NECAB1: variants seen among roughly 807,000 people sequenced by gnomAD.
The protein encoded by NECAB1 is N-terminal EF-hand calcium-binding protein 1.
NECAB1 carries 29 observed loss-of-function variants against 57.5 expected under a neutral mutation model. The ratio of observed to expected loss-of-function variants is 0.50; its 90% CI spans 0.38 to 0.69. The LOEUF (loss-of-function observed/expected upper bound fraction) is 0.69, where lower values mean the gene tolerates loss of function less well. Among genes scored for constraint, NECAB1 ranks in the 30% least tolerant of loss-of-function variants. NECAB1 has a pLI of 0.00. For synonymous variants in NECAB1, 142 were observed against 147.7 expected, an observed-to-expected ratio of 0.96 and a Z score of 0.28; for missense variants, 372 against 413.8, an observed-to-expected ratio of 0.90 and a Z score of 0.88.
rs564416885 is a variant in NECAB1, at chr8:90,958,453, T to C, written c.*2941T>C. ...CAAAAACCTAGAGACCAATCATATA[T>C]CTGAAAAGAAATACCCATTAAAAAT... On this transcript the variant is annotated 3_prime_UTR_variant, in exon 13 of 13. Coordinates refer to ENST00000417640, the MANE Select transcript of NECAB1 (RefSeq NM_022351.5). The C allele has an allele frequency of 5.3e-5, 8 of 151,700 alleles. No homozygotes were observed. Among genetic ancestry groups the C allele is most frequent in the African/African-American group, 1.7e-4 (7 of 41,502 alleles). 9.4% of individuals were successfully genotyped at this position (151,700 alleles called of 1,614,324 possible).
intron 4 of NECAB1, among the ~76,000 whole-genome samples, chr8:90,878,655 CT>C (rs1000425313): frequency 6.6e-6 from 1 of 151,862 alleles, no homozygotes; most frequent in African/African-American, 2.4e-5. Context: ...AGTGATTGTT[CT>C]TTTTTTCTAA....
chr8:90,840,390 A>T (rs1381668261), intron 3 of NECAB1, among the ~76,000 whole-genome samples: 2 of 152,206 alleles, frequency 1.3e-5, no homozygotes, highest in Non-Finnish European at 2.9e-5. Flanking sequence ...CCACAGTGAG[A>T]TTGGGTCACT....
In NECAB1 at chr8:90,917,870, A is replaced by ATGTG. The variant is rs1554575442; in HGVS notation, c.494+251_494+254dup. Among the ~76,000 whole-genome samples, 297 of 64,230 alleles carry ATGTG rather than the reference A, an allele frequency of 4.6e-3. 5 individuals carry two copies. Among genetic ancestry groups the ATGTG allele is most frequent in the African/African-American group, 6.4e-3 (61 of 9,576 alleles). The allele number at this position is 64,230 out of a possible 152,430, so 42.1% of individuals were successfully genotyped here. On this transcript the variant is annotated intron_variant, in intron 6 of 12. Coordinates refer to ENST00000417640, the MANE Select transcript of NECAB1 (RefSeq NM_022351.5). ...TATATATATATATATATATATATAT[A>ATGTG]TGTGTGTGTGTGCGTGTATATATAT...
chr8:90,816,071 T>G (rs1812056837), intron 2 of NECAB1, among the ~76,000 whole-genome samples: 1 of 151,940 alleles, frequency 6.6e-6, no homozygotes, highest in South Asian at 2.1e-4. Context: ...TTTTCAGGTT[T>G]TGTATCTCAT....
intron 4 of NECAB1, among the ~76,000 whole-genome samples, chr8:90,876,561 C>T (rs1375802659): frequency 1.3e-5 from 2 of 151,980 alleles, no homozygotes; most frequent in Non-Finnish European, 2.9e-5. Context: ...GACCTGAAAA[C>T]TCAACAACTT....
intron 8 of NECAB1, among the ~76,000 whole-genome samples, chr8:90,929,424 G>A (rs1233622104): frequency 6.6e-6 from 1 of 152,212 alleles, no homozygotes; most frequent in Non-Finnish European, 1.5e-5. Context: ...AGATAGTCCA[G>A]AGGTCTGAAT....
intron 3 of NECAB1, among the ~76,000 whole-genome samples, chr8:90,863,882 C>T (rs1389646873): frequency 3.3e-5 from 5 of 152,068 alleles, no homozygotes; most frequent in Non-Finnish European, 5.9e-5. Flanking sequence ...GTTTCTGACA[C>T]AACCCACATT....
At chr8:90,907,151 TGAGAGA>T (rs71266152) in intron 5 of NECAB1, among the ~76,000 whole-genome samples, 39 of 102,086 alleles carry the variant, frequency 3.8e-4, no homozygotes, top group Non-Finnish European at 5.2e-4. Flanking sequence ...TGTGTGTGTG[TGAGAGA>T]GAGAGAGAGA....
intron 2 of NECAB1, among the ~76,000 whole-genome samples, chr8:90,823,533 G>C (rs1012614526): frequency 6.6e-6 from 1 of 151,652 alleles, no homozygotes; most frequent in South Asian, 2.1e-4. Context: ...TAATTCGCTT[G>C]TGGGGCCTAG....
chr8:90,908,335 T>C (rs2130070875), intron 5 of NECAB1, among the ~76,000 whole-genome samples: 1 of 152,284 alleles, frequency 6.6e-6, no homozygotes, highest in South Asian at 2.1e-4. Context: ...TTATCATCAA[T>C]ATCAACAAAC....
intron 5 of NECAB1, among the ~76,000 whole-genome samples, chr8:90,905,716 C>T (rs1206155175): frequency 6.6e-6 from 1 of 152,140 alleles, no homozygotes; most frequent in Admixed American, 6.6e-5. Flanking sequence ...TTTCTGTTCT[C>T]TTTGTTCTCC....
intron 5 of NECAB1, among the ~76,000 whole-genome samples, chr8:90,882,487 A>G (rs1019085724): frequency 5.3e-5 from 8 of 151,940 alleles, no homozygotes; most frequent in Non-Finnish European, 8.8e-5. Flanking sequence ...AGACCTCTTC[A>G]GGAATATTTG....
intron 5 of NECAB1, among the ~76,000 whole-genome samples, chr8:90,898,384 C>T (rs1809414332): frequency 6.6e-6 from 1 of 152,074 alleles, no homozygotes; most frequent in Admixed American, 6.5e-5. Flanking sequence ...CAATATTGTC[C>T]CATTTCACTG....
intron 3 of NECAB1, among the ~76,000 whole-genome samples, chr8:90,853,805 G>A (rs1351553490): frequency 6.6e-6 from 1 of 152,176 alleles, no homozygotes; most frequent in African/African-American, 2.4e-5. Flanking sequence ...CAGGGAAGAA[G>A]GCTTTAAGAT....
intron 1 of NECAB1, among the ~76,000 whole-genome samples, chr8:90,795,706 T>TCA (rs1385184275): frequency 1.2e-4 from 16 of 136,426 alleles, no homozygotes; most frequent in African/African-American, 2.3e-4. Context: ...ACCTCATCTC[T>TCA]CTCACACACA....
At chr8:90,890,273 G>A (rs1294636011) in intron 5 of NECAB1, among the ~76,000 whole-genome samples, 4 of 152,218 alleles carry the variant, frequency 2.6e-5, no homozygotes, top group Non-Finnish European at 4.4e-5. Context: ...TGTGTCTCAC[G>A]AGATCTGATG....
At chr8:90,793,573 A>G (rs374216518) in intron 1 of NECAB1, among the ~76,000 whole-genome samples, 8 of 152,150 alleles carry the variant, frequency 5.3e-5, no homozygotes, top group South Asian at 4.1e-4. Flanking sequence ...GCACTTGAGG[A>G]GGTAAGCTGA....
At position 90,955,112 on chromosome 8, in the gene NECAB1, TTATATATATATATATA is replaced by T. The variant is rs59244524; in HGVS notation, c.1031-353_1031-338del. On this transcript the variant is annotated intron_variant, in intron 12 of 12. Transcript: ENST00000417640. ...ATTTCATAAATATTGGGTATATAAATTATATATATATATATATATATATATATATATATATATGGCC... is the reference window on the plus strand; with the variant it reads ...ATTTCATAAATATTGGGTATATAAATTATATATATATATATATATATGGCC... Among the ~76,000 whole-genome samples, 84 of 70,808 alleles carry T rather than the reference TTATATATATATATATA, an allele frequency of 1.2e-3. 1 individual carries two copies. The highest frequency in any genetic ancestry group is 1.7e-3 in the Non-Finnish European group (61 of 35,774). 46.5% of individuals were successfully genotyped at this position (70,808 alleles called of 152,430 possible). A position where few individuals can be genotyped will look rare whatever the true frequency, so the allele number is the denominator to read the frequency against.
chr8:90,931,407 ATC>A (rs1371216384), intron 8 of NECAB1, among the ~76,000 whole-genome samples: 1 of 152,268 alleles, frequency 6.6e-6, no homozygotes, highest in Non-Finnish European at 1.5e-5. Flanking sequence ...AACATATGTT[ATC>A]TTTTCTCTGC....
Sources: gnomAD v4.1 joint callset for allele counts (sites outside exome capture counted in the v4.1 genomes callset) on GRCh38, gnomAD v4.1.1 for gene constraint, MANE v1.5 for transcripts, NCBI Gene and HGNC (gene_info 2026-07-23, HGNC 2026-07-21) for gene names.